The following KLHL14 variants were observed in gnomAD, a reference collection of about 807,000 sequenced individuals.
KLHL14 encodes the protein kelch-like protein 14.
KLHL14 carries 22 observed loss-of-function variants against 64.3 expected under a neutral mutation model. That is an observed-to-expected ratio of 0.34 (90% CI 0.24 to 0.49). The LOEUF is 0.49. Among genes scored for constraint, KLHL14 ranks in the 20% least tolerant of loss-of-function variants. The pLI is 0.99. For missense variants in KLHL14, 661 were observed against 789.0 expected (o/e 0.84, Z 1.94); for synonymous variants, 322 against 333.4 (o/e 0.97, Z 0.37).
chr18:32,674,352 A>G lies in KLHL14; in HGVS notation c.*305T>C, dbSNP rs1288532143. The G allele has an allele frequency of 7.0e-6, 2 of 287,230 alleles. No homozygotes were observed. Among genetic ancestry groups the G allele is most frequent in the South Asian group, 1.6e-4 (2 of 12,866 alleles). The allele number at this position is 287,230 out of a possible 1,614,324, so 17.8% of individuals were successfully genotyped here. The stretch of plus-strand genomic sequence containing the variant: ...GGTCTCTCTGGGGCCAGTCTTCTGT[A>G]TTTTATCTTTCTCCTTTTGCAAGTT... On this transcript the variant is annotated 3_prime_UTR_variant, in exon 9 of 9. Coordinates refer to ENST00000359358, the MANE Select transcript of KLHL14 (RefSeq NM_020805.3).
intron 3 of KLHL14, among the ~76,000 whole-genome samples, chr18:32,732,094 C>T (rs1448406488): frequency 6.6e-6 from 1 of 152,078 alleles, no homozygotes; most frequent in Non-Finnish European, 1.5e-5. Context: ...CGTGGTGGCA[C>T]ATGCCTGTAG....
At position 32,688,808 on chromosome 18, in the gene KLHL14, G is replaced by A. The variant is rs185188803; in HGVS notation, c.1160-1575C>T. 4.9e-4 allele frequency among the ~76,000 whole-genome samples: 74 copies of A among 152,304 alleles called. 1 individual carries two copies. Among genetic ancestry groups the A allele is most frequent in the African/African-American group, 1.8e-3 (73 of 41,582 alleles). The stretch of plus-strand genomic sequence containing the variant: ...AGTCCAATCTATCATGCTGGCTGCT[G>A]TATAAAGAGTAGACTATAGGAGGGC... On this transcript the variant is annotated intron_variant, in intron 4 of 8. Coordinates refer to ENST00000359358, the MANE Select transcript of KLHL14 (RefSeq NM_020805.3).
Position 32,770,933 on chromosome 18 carries a change from C to A in KLHL14, c.-43-299G>T, listed in dbSNP as rs773503214. On this transcript the variant is annotated intron_variant, in intron 1 of 8. Coordinates refer to ENST00000359358, the MANE Select transcript of KLHL14 (RefSeq NM_020805.3). The surrounding 1 kb of genome is among the most constrained non-coding windows in gnomAD (Gnocchi z 6.7). ...TCCCTCACTTTCCTAAAACCAACCA[C>A]CTCAGCTCGGCTGTTGGCAGCAACA... 34 of 460,840 alleles carry A rather than the reference C, an allele frequency of 7.4e-5. No individual in the cohort carries two copies. The highest frequency in any genetic ancestry group is 1.4e-4 in the Non-Finnish European group (33 of 241,054). The allele number at this position is 460,840 out of a possible 1,614,324, so 28.5% of individuals were successfully genotyped here.
intron 2 of KLHL14, among the ~76,000 whole-genome samples, chr18:32,749,598 T>C (rs1489426934): frequency 6.6e-6 from 1 of 152,206 alleles, no homozygotes; most frequent in East Asian, 1.9e-4. Flanking sequence ...TGTCTCTGCA[T>C]ACTGAAGGGG....
At chr18:32,696,565 G>A (rs900676641) in intron 3 of KLHL14, among the ~76,000 whole-genome samples, 2 of 152,196 alleles carry the variant, frequency 1.3e-5, no homozygotes, top group African/African-American at 4.8e-5. Flanking sequence ...GGGAGGTGAT[G>A]TGCATGTTCA....
At position 32,769,944 on chromosome 18, in the gene KLHL14, G is replaced by C. The variant is rs942364132; in HGVS notation, c.648C>G (p.Leu216=). 4 of 1,614,198 alleles carry C rather than the reference G, an allele frequency of 2.5e-6. No homozygotes were observed. Among genetic ancestry groups the C allele is most frequent in the Non-Finnish European group, 3.4e-6 (4 of 1,180,046 alleles). The change falls in exon 2 of 9, where the codon CTC becomes CTG. Residue 216 remains leucine (L), a synonymous_variant. Coordinates refer to ENST00000359358, the MANE Select transcript of KLHL14 (RefSeq NM_020805.3). ...GCAGGGCGCGCATCTCCTCGAAGTTGAGCAGCAGCACATCCTCCACCAGGT... is the reference window on the plus strand; with the variant it reads ...GCAGGGCGCGCATCTCCTCGAAGTTCAGCAGCAGCACATCCTCCACCAGGT... ...NKYLVEDVLL[L]NFEEMRALLD...
intron 3 of KLHL14, among the ~76,000 whole-genome samples, chr18:32,708,747 T>C (rs2144498046): frequency 6.6e-6 from 1 of 150,744 alleles, no homozygotes; most frequent in Middle Eastern, 3.4e-3. Context: ...AGGAGAACAC[T>C]TTCTTTTCTG....
chr18:32,730,080 AG>A (rs991089392), intron 3 of KLHL14, among the ~76,000 whole-genome samples: 16 of 152,364 alleles, frequency 1.1e-4, no homozygotes, highest in African/African-American at 3.8e-4. Context: ...TTTGAACAAA[AG>A]GTATTTACTA....
intron 3 of KLHL14, among the ~76,000 whole-genome samples, chr18:32,729,834 A>G (rs1459670440): frequency 6.6e-6 from 1 of 152,204 alleles, no homozygotes; most frequent in Non-Finnish European, 1.5e-5. Flanking sequence ...TGGGGACACA[A>G]TTCAACTCAC....
At chr18:32,686,192 T>TG (rs1346758678) in intron 5 of KLHL14, among the ~76,000 whole-genome samples, 1 of 147,930 alleles carries the variant, frequency 6.8e-6, no homozygotes, top group Non-Finnish European at 1.5e-5. Flanking sequence ...TTTTTTTTTT[T>TG]TTTTTTTTTG....
At chr18:32,676,861 C>A (rs2049813632) in intron 8 of KLHL14, among the ~76,000 whole-genome samples, 1 of 152,178 alleles carries the variant, frequency 6.6e-6, no homozygotes, top group Non-Finnish European at 1.5e-5. Flanking sequence ...ACCTTTCAGA[C>A]TCTCTTACTG....
intron 2 of KLHL14, among the ~76,000 whole-genome samples, chr18:32,760,540 G>A (rs1453370644): frequency 6.6e-6 from 1 of 152,140 alleles, no homozygotes; most frequent in Non-Finnish European, 1.5e-5. Flanking sequence ...AAGTGAAACC[G>A]ACTGTAATTC....
rs1443329273 is a variant in KLHL14 at position 32,673,758 on chromosome 18, C to G, written c.*899G>C. On this transcript the variant is annotated 3_prime_UTR_variant, in exon 9 of 9. Transcript: ENST00000359358. The stretch of plus-strand genomic sequence containing the variant: ...CCCTGAATTCCTGAAAACAATCTCC[C>G]ATTTTTTTTTATTATGGATTAAATT... 6.6e-6 allele frequency: 1 copy of G among 152,088 alleles called. No individual in the cohort carries two copies. Among genetic ancestry groups the G allele is most frequent in the African/African-American group, 2.4e-5 (1 of 41,416 alleles). 9.4% of individuals were successfully genotyped at this position (152,088 alleles called of 1,614,324 possible). A position where few individuals can be genotyped will look rare whatever the true frequency, so the allele number is the denominator to read the frequency against.
intron 3 of KLHL14, among the ~76,000 whole-genome samples, chr18:32,732,100 T>G (rs148623109): frequency 2.0e-5 from 3 of 152,106 alleles, no homozygotes; most frequent in South Asian, 2.1e-4. Context: ...GGCACATGCC[T>G]GTAGTCCCAG....
At position 32,673,107 on chromosome 18, in the gene KLHL14, T is replaced by C. The variant is rs2049793357; in HGVS notation, c.*1550A>G. The C allele has an allele frequency of 6.6e-6, 1 of 152,490 alleles. No individual in the cohort carries two copies. The highest frequency in any genetic ancestry group is 6.6e-5 in the Admixed American group (1 of 15,266). 9.4% of individuals were successfully genotyped at this position (152,490 alleles called of 1,614,324 possible). A position where few individuals can be genotyped will look rare whatever the true frequency, so the allele number is the denominator to read the frequency against. The stretch of plus-strand genomic sequence containing the variant: ...ATACATATATTTATATATATATATT[T>C]TTACAACGGATCCTTTGGATCTGAA... On this transcript the variant is annotated 3_prime_UTR_variant, in exon 9 of 9. Transcript: ENST00000359358.
At chr18:32,690,800 G>T (rs2049903696) in intron 4 of KLHL14, among the ~76,000 whole-genome samples, 1 of 152,094 alleles carries the variant, frequency 6.6e-6, no homozygotes, top group Non-Finnish European at 1.5e-5. Flanking sequence ...ATTCAGAGGA[G>T]AATTTAAGGA....
At chr18:32,772,162 G>A in intron 1 of KLHL14, 1 of 324,774 alleles carries the variant, frequency 3.1e-6, no homozygotes, top group Middle Eastern at 3.8e-4. Context: ...GGCTCGGAGG[G>A]ATCCCGGCGG....
At position 32,680,896 on chromosome 18, in the gene KLHL14, A is replaced by G. The variant is rs1374012469; in HGVS notation, c.1239-297T>C. On this transcript the variant is annotated intron_variant, in intron 5 of 8. Coordinates refer to ENST00000359358, the MANE Select transcript of KLHL14 (RefSeq NM_020805.3). The surrounding 1 kb of genome is among the most constrained non-coding windows in gnomAD (Gnocchi z 4.8). ...TTTATACACTGTTAAGTGTTCATTA[A>G]TATTTGGGATATTCGGTACCTTGTA... Among the ~76,000 whole-genome samples, 2 of 152,154 alleles carry G rather than the reference A, an allele frequency of 1.3e-5. No individual in the cohort carries two copies. The highest frequency in any genetic ancestry group is 3.9e-4 in the East Asian group (2 of 5,186).
chr18:32,714,085 T>TTTTACTAAATTTTAGTAAATTTACAAA (rs2050033202), intron 3 of KLHL14, among the ~76,000 whole-genome samples: 1 of 152,198 alleles, frequency 6.6e-6, no homozygotes, highest in Non-Finnish European at 1.5e-5. Flanking sequence ...AGTAATGCTT[T>TTTTACTAAATTTTAGTAAATTTACAAA]TTTACTAAAT....
Sources: gnomAD v4.1 joint callset for allele counts (sites outside exome capture counted in the v4.1 genomes callset) on GRCh38, gnomAD v4.1.1 for gene constraint, Gnocchi (gnomAD v3.1) non-coding constraint, MANE v1.5 for transcripts, NCBI Gene and HGNC (gene_info 2026-07-23, HGNC 2026-07-21) for gene names.